The following DENND2D variants were observed in gnomAD, a reference collection of about 807,000 sequenced individuals.
The protein encoded by DENND2D is DENN domain containing 2D, also known as DENN domain-containing protein 2D.
In DENND2D, 37 loss-of-function variants were observed where a neutral mutation model predicts 59.8. The ratio of observed to expected loss-of-function variants is 0.62; its 90% CI spans 0.48 to 0.81. DENND2D has a LOEUF of 0.81. Ranked by LOEUF, DENND2D falls within the 40% of genes least tolerant of loss-of-function variation. The pLI is 0.00. For synonymous variants in DENND2D, 219 were observed against 211.3 expected, an observed-to-expected ratio of 1.04 and a Z score of -0.31; for missense variants, 525 against 579.7, an observed-to-expected ratio of 0.91 and a Z score of 0.97.
At chr1:111,197,619 G>A (rs1376787288) in intron 4 of DENND2D, 2 of 1,359,478 alleles carry the variant, frequency 1.5e-6, no homozygotes, top group Non-Finnish European at 1.9e-6. Context: ...TCTGCTCTGG[G>A]AGGCTCCAGG....
At chr1:111,190,431 C>T (rs539222881) in intron 8 of DENND2D, among the ~76,000 whole-genome samples, 59 of 152,306 alleles carry the variant, frequency 3.9e-4, no homozygotes, top group Non-Finnish European at 7.2e-4. Context: ...ACCAGCAGAT[C>T]TGTTTCTTTG....
chr1:111,203,716 CG>C (rs1209690533), upstream of DENND2D, among the ~76,000 whole-genome samples: 1 of 152,184 alleles, frequency 6.6e-6, no homozygotes, highest in Non-Finnish European at 1.5e-5. Flanking sequence ...GCAGCAGCTG[CG>C]CAGGTTCTAC....
upstream of DENND2D, chr1:111,204,366 G>A (rs1268086461): frequency 1.4e-6 from 2 of 1,421,566 alleles, no homozygotes; most frequent in Non-Finnish European, 1.8e-6. Flanking sequence ...CCCCTGGAGT[G>A]CCCGGCTCCC....
At chr1:111,190,677 G>T (rs144770737) in intron 8 of DENND2D, among the ~76,000 whole-genome samples, 1 of 152,214 alleles carries the variant, frequency 6.6e-6, no homozygotes, top group Non-Finnish European at 1.5e-5. Context: ...TTAAATGCCC[G>T]CTGGGCCTCT....
chr1:111,194,651 A>G lies in DENND2D; in HGVS notation c.721T>C (p.Phe241Leu). ...DFSSLLHCLSFEQILQIFASA... is the reference protein window; with the variant it reads ...DFSSLLHCLSLEQILQIFASA... ...GCAAAGATCTGAAGTATCTGTTCAA[A>G]ACTGAGACAGTGCAATAGAGAACTA... The change falls in exon 7 of 12, where the codon TTT (phenylalanine) becomes CTT (leucine). Residue 241 changes from phenylalanine (F) to leucine (L), a missense_variant. By Grantham distance (22) the Phe-to-Leu change is conservative. Coordinates refer to ENST00000357640, the MANE Select transcript of DENND2D (RefSeq NM_024901.5). The G allele has an allele frequency of 6.2e-7, 1 of 1,613,912 alleles. No individual in the cohort carries two copies. The highest frequency in any genetic ancestry group is 2.2e-5 in the East Asian group (1 of 44,854).
rs997191978 is a variant in DENND2D, at chr1:111,200,042, C to T, written c.68-244G>A. ...AAAGAAACCACTGACACAGAAGCCACGGAAATGTGCTGGAGAGGCCACATG... is the reference window on the plus strand; with the variant it reads ...AAAGAAACCACTGACACAGAAGCCATGGAAATGTGCTGGAGAGGCCACATG... On this transcript the variant is annotated intron_variant, in intron 1 of 11. Coordinates refer to ENST00000357640, the MANE Select transcript of DENND2D (RefSeq NM_024901.5). 20 of 597,202 alleles carry T rather than the reference C, an allele frequency of 3.3e-5. No individual in the cohort carries two copies. In the East Asian group the frequency reaches 4.6e-4, roughly 14 times the overall value. The allele number at this position is 597,202 out of a possible 1,614,324, so 37.0% of individuals were successfully genotyped here. A position where few individuals can be genotyped will look rare whatever the true frequency, so the allele number is the denominator to read the frequency against.
rs1657832999 is a variant in DENND2D, at chr1:111,192,135, C to T, written c.972+5G>A. On this transcript the variant is annotated splice_donor_5th_base_variant and intron_variant, in intron 8 of 11. Transcript: ENST00000357640. ...AAATCATGCACTCTTCTTGCCACAT[C>T]ATACCTCTTCCATAGGGCTGTCCAT... is the stretch of plus-strand genomic sequence containing the variant. 6.3e-7 allele frequency: 1 copy of T among 1,589,192 alleles called. No homozygotes were observed. The highest frequency in any genetic ancestry group is 1.3e-5 in the African/African-American group (1 of 74,644).
chr1:111,204,004 T>G, upstream of DENND2D: 2 of 417,248 alleles, frequency 4.8e-6, no homozygotes, highest in Admixed American at 4.7e-5. Flanking sequence ...ACAAGCTTCC[T>G]GGATGGAAGG....
intron 4 of DENND2D, chr1:111,197,678 T>C: frequency 2.2e-6 from 3 of 1,390,984 alleles, no homozygotes; most frequent in Non-Finnish European, 2.8e-6. Context: ...AGGAGTTAGT[T>C]GTATTGAAAG....
At chr1:111,201,104 G>A (rs1389580972), upstream of DENND2D, 2 of 154,298 alleles carry the variant, frequency 1.3e-5, no homozygotes, top group Admixed American at 1.3e-4. Flanking sequence ...GCCCTCCCCT[G>A]ATTAAGATAA....
rs372034028 is a variant in DENND2D, at chr1:111,197,995, A to G, written c.357-6T>C. ...GAACGAAGGAGAAGGTCTCCCTAAG[A>G]AAGAGCAGACAAGGCTTGATTTGTA... On this transcript the variant is annotated splice_region_variant and splice_polypyrimidine_tract_variant and intron_variant, in intron 3 of 11. Coordinates refer to ENST00000357640, the MANE Select transcript of DENND2D (RefSeq NM_024901.5). 2 of 1,613,734 alleles carry G rather than the reference A, an allele frequency of 1.2e-6. No homozygotes were observed. The highest frequency in any genetic ancestry group is 2.2e-5 in the East Asian group (1 of 44,892).
At chr1:111,203,691 G>A (rs1206463220), upstream of DENND2D, among the ~76,000 whole-genome samples, 2 of 152,238 alleles carry the variant, frequency 1.3e-5, no homozygotes, top group African/African-American at 4.8e-5. Flanking sequence ...CCCTGTCTGG[G>A]CGACACGCTG....
chr1:111,202,917 G>T (rs964139977), upstream of DENND2D, among the ~76,000 whole-genome samples: 7 of 144,182 alleles, frequency 4.9e-5, no homozygotes, highest in Admixed American at 4.8e-4. Context: ...AGTGCCTGGT[G>T]TTGGGGCAGG....
At chr1:111,200,887 A>G (rs971199859), upstream of DENND2D, 1 of 264,130 alleles carries the variant, frequency 3.8e-6, no homozygotes, top group Non-Finnish European at 6.8e-6. Flanking sequence ...ACAATGCTTG[A>G]TAGTGTCAGA....
At chr1:111,198,137 A>G (rs1333392071) in intron 3 of DENND2D, 148 bp from the exon 4 acceptor site, 5 of 694,240 alleles carry the variant, frequency 7.2e-6, no homozygotes, top group Non-Finnish European at 1.2e-5. Context: ...GGCCCTAAAC[A>G]CATCATCTCA....
intron 11 of DENND2D, 96 bp from the exon 12 acceptor site, chr1:111,187,777 C>G (rs1657352548): frequency 1.0e-6 from 1 of 971,446 alleles, no homozygotes; most frequent in Non-Finnish European, 1.6e-6. Flanking sequence ...TGTCTGCTCC[C>G]CATACTGCCA....
chr1:111,201,649 G>C (rs1471359013), upstream of DENND2D, among the ~76,000 whole-genome samples: 2 of 152,236 alleles, frequency 1.3e-5, no homozygotes, highest in Admixed American at 6.5e-5. Context: ...TTACCAGGAA[G>C]CTGCCTCAAA....
In DENND2D at chr1:111,199,870, G is replaced by A. The variant is rs541309657; in HGVS notation, c.68-72C>T. ...CCTGGAGTGGAGTCTGTGAGAATCC[G>A]GGTGACCTCCACACCTCAAGGCCGC... On this transcript the variant is annotated intron_variant, in intron 1 of 11. Transcript: ENST00000357640. 1.3e-4 allele frequency: 197 copies of A among 1,544,432 alleles called. 1 individual carries two copies. In the South Asian group the frequency reaches 1.4e-3, roughly 11 times the overall value.
upstream of DENND2D, among the ~76,000 whole-genome samples, chr1:111,201,982 T>A (rs563502939): frequency 6.6e-6 from 1 of 152,222 alleles, no homozygotes; most frequent in Admixed American, 6.5e-5. Context: ...ATCTTCCTGA[T>A]ACAGATGGGG....
Sources: allele counts gnomAD v4.1 joint callset (sites outside exome capture counted in the v4.1 genomes callset), GRCh38; gene constraint gnomAD v4.1.1; transcripts MANE v1.5; gene names NCBI Gene and HGNC (gene_info 2026-07-23, HGNC 2026-07-21).